The following LRRC7 variants were observed in gnomAD, a reference collection of about 807,000 sequenced individuals.
LRRC7 encodes leucine-rich repeat-containing protein 7.
Under a neutral mutation model 175.7 loss-of-function variants are expected in LRRC7, and 23 were observed. The ratio of observed to expected loss-of-function variants is 0.13; its 90% CI spans 0.09 to 0.19. LRRC7 has a LOEUF of 0.19. Among genes scored for constraint, LRRC7 ranks in the 10% least tolerant of loss-of-function variants. LRRC7 has a pLI of 1.00. For missense variants in LRRC7, 1,354 were observed against 1,904.7 expected (o/e 0.71, Z 5.38); for synonymous variants, 685 against 680.9 (o/e 1.01, Z -0.09).
At chr1:69,721,334 C>A (rs1386192350) in intron 2 of LRRC7, among the ~76,000 whole-genome samples, 1 of 151,840 alleles carries the variant, frequency 6.6e-6, no homozygotes, top group East Asian at 1.9e-4. Flanking sequence ...TAGTATAATA[C>A]GGAATAGTTT....
At chr1:69,626,194 A>C (rs567832946) in intron 1 of LRRC7, among the ~76,000 whole-genome samples, 1 of 152,236 alleles carries the variant, frequency 6.6e-6, no homozygotes, top group South Asian at 2.1e-4. Context: ...ACCCTCAGGA[A>C]CATCTTGCTT....
intron 2 of LRRC7, among the ~76,000 whole-genome samples, chr1:69,720,168 C>T (rs573085366): frequency 2.7e-4 from 41 of 151,538 alleles, no homozygotes; most frequent in Non-Finnish European, 5.6e-4. Context: ...CTTTAACTCA[C>T]CTACTTATAT....
At position 69,568,023 on chromosome 1, in the gene LRRC7, G is replaced by C. The variant is rs61782206; in HGVS notation, c.-617G>C. On this transcript the variant is annotated 5_prime_UTR_variant, in exon 1 of 27. Coordinates refer to ENST00000651989, the MANE Select transcript of LRRC7 (RefSeq NM_001370785.2). ...ACGGACACCCAGCCCCAGTGCAGCG[G>C]GTTCTCGCCGGCGGGACCTGCAGCC... 6.6e-6 allele frequency among the ~76,000 whole-genome samples: 1 copy of C among 152,106 alleles called. No homozygotes were observed. The highest frequency in any genetic ancestry group is 1.5e-5 in the Non-Finnish European group (1 of 68,008).
chr1:69,814,495 A>G (rs112745448), intron 4 of LRRC7, among the ~76,000 whole-genome samples: 1 of 152,178 alleles, frequency 6.6e-6, no homozygotes, highest in Admixed American at 6.6e-5. Flanking sequence ...TTACATTCAT[A>G]TCATCAAATA....
chr1:70,028,937 T>G (rs373632233), intron 18 of LRRC7, among the ~76,000 whole-genome samples: 3 of 152,202 alleles, frequency 2.0e-5, no homozygotes, highest in East Asian at 1.9e-4. Context: ...TTTTGTGGTC[T>G]GAAAAGAATT....
rs1020748643 is a variant in LRRC7 at position 69,833,549 on chromosome 1, G to GTA, written c.501-1222_501-1221dup. Among the ~76,000 whole-genome samples, 8 of 152,016 alleles carry GTA rather than the reference G, an allele frequency of 5.3e-5. No homozygotes were observed. In the East Asian group the frequency reaches 5.8e-4, roughly 11 times the overall value. ...ATACATACAAATGCAAATATTATATGTATATATATAAGTGTTTTATATATA... is the reference window on the plus strand; with the variant it reads ...ATACATACAAATGCAAATATTATATGTATATATATATAAGTGTTTTATATATA... On this transcript the variant is annotated intron_variant, in intron 5 of 26. Coordinates refer to ENST00000651989, the MANE Select transcript of LRRC7 (RefSeq NM_001370785.2).
rs572210589 is a variant in LRRC7, at chr1:69,705,135, C to A, written c.100+26657C>A. On this transcript the variant is annotated intron_variant, in intron 2 of 26. Coordinates refer to ENST00000651989, the MANE Select transcript of LRRC7 (RefSeq NM_001370785.2). ...CTGTTACCCACTTCTTCTTACACAACCTTTACCATTGTAATAATAAGTAAC... is the reference window on the plus strand; with the variant it reads ...CTGTTACCCACTTCTTCTTACACAAACTTTACCATTGTAATAATAAGTAAC... 4.6e-5 allele frequency among the ~76,000 whole-genome samples: 7 copies of A among 152,236 alleles called. No individual in the cohort carries two copies. In the South Asian group the frequency reaches 1.2e-3, roughly 27 times the overall value.
chr1:69,994,527 C>G (rs375578941), intron 10 of LRRC7, 34 bp from the exon 11 acceptor site: 11 of 1,356,716 alleles, frequency 8.1e-6, no homozygotes, highest in Non-Finnish European at 1.2e-5. Flanking sequence ...ATAATCTGCT[C>G]TTATGTATTA....
rs1003209846 is a variant in LRRC7, at chr1:70,043,985, T to C, written c.4001T>C (p.Leu1334Pro). The C allele has an allele frequency of 1.2e-6, 2 of 1,613,126 alleles. No individual in the cohort carries two copies. Among genetic ancestry groups the C allele is most frequent in the African/African-American group, 1.3e-5 (1 of 74,924 alleles). ...GCTTACAAACACAATACAGTTAACC[T>C]TGGCATGCTGCCCTATGGAGGTATT... is the stretch of plus-strand genomic sequence containing the variant. ...NAAYKHNTVNLGMLPYGGISA... is the reference protein window; with the variant it reads ...NAAYKHNTVNPGMLPYGGISA... Residue 1334 changes from leucine to proline, a missense_variant, in exon 22 of 27, where the codon CTT (leucine) becomes CCT (proline). Leu to Pro is a moderately conservative substitution (Grantham distance 98, BLOSUM62 -3). This residue lies in a region of LRRC7 where 1,032 missense variants were observed against 1,227.2 expected (regional missense o/e 0.84). Coordinates refer to ENST00000651989, the MANE Select transcript of LRRC7 (RefSeq NM_001370785.2).
At chr1:70,037,117 A>G (rs1659392799) in intron 20 of LRRC7, among the ~76,000 whole-genome samples, 1 of 152,142 alleles carries the variant, frequency 6.6e-6, no homozygotes, top group Non-Finnish European at 1.5e-5. Flanking sequence ...ATATTACTCT[A>G]ATTTTACAGA....
At chr1:69,810,596 T>C (rs886624978) in intron 4 of LRRC7, among the ~76,000 whole-genome samples, 1 of 151,780 alleles carries the variant, frequency 6.6e-6, no homozygotes, top group African/African-American at 2.4e-5. Context: ...TAGAACAGAA[T>C]ACAGGCCTTA....
intron 23 of LRRC7, among the ~76,000 whole-genome samples, chr1:70,060,354 C>T (rs1661484850): frequency 2.0e-5 from 3 of 151,804 alleles, no homozygotes; most frequent in African/African-American, 7.3e-5. Context: ...CATTAAATTA[C>T]AGTCACTGAA....
At position 70,141,387 on chromosome 1, in the gene LRRC7, C is replaced by T. The variant is rs1667056325; in HGVS notation, c.*19500C>T. The stretch of plus-strand genomic sequence containing the variant: ...AAATACTTTTGCAAATAATGTTTCT[C>T]TTAATAAAATGATATATTTTGTTTT... On this transcript the variant is annotated 3_prime_UTR_variant, in exon 27 of 27. Transcript: ENST00000651989. 6.6e-6 allele frequency: 1 copy of T among 152,086 alleles called. No individual in the cohort carries two copies. Among genetic ancestry groups the T allele is most frequent in the South Asian group, 2.1e-4 (1 of 4,828 alleles). 9.4% of individuals were successfully genotyped at this position (152,086 alleles called of 1,614,324 possible).
chr1:69,575,529 C>T (rs12760472), intron 1 of LRRC7, among the ~76,000 whole-genome samples: 12,787 of 152,168 alleles, frequency 0.084, 625 homozygotes, highest in South Asian at 0.11. Context: ...ATAAATTTAA[C>T]ATCTGTTAAG....
chr1:69,587,314 C>A (rs1016737147), intron 1 of LRRC7, among the ~76,000 whole-genome samples: 1 of 152,250 alleles, frequency 6.6e-6, no homozygotes, highest in East Asian at 1.9e-4. Context: ...CACAACAGTT[C>A]CCCAGTTCAG....
rs139742035 is a variant in LRRC7 at position 69,710,394 on chromosome 1, G to C, written c.100+31916G>C. On this transcript the variant is annotated intron_variant, in intron 2 of 26. Transcript: ENST00000651989. ...TCAGAGTCTTCACTACAGCTTCAGG[G>C]CTTCCTTCTCTTGCCAGCAGCAACC... Among the ~76,000 whole-genome samples the C allele has an allele frequency of 6.6e-5, 10 of 152,184 alleles. No homozygotes were observed. In the East Asian group the frequency reaches 1.7e-3, roughly 26 times the overall value.
intron 8 of LRRC7, among the ~76,000 whole-genome samples, chr1:69,953,998 G>A (rs1650228109): frequency 6.6e-6 from 1 of 151,864 alleles, no homozygotes; most frequent in South Asian, 2.1e-4. Flanking sequence ...TAAACTATAA[G>A]CATCTTAAAG....
At chr1:69,803,861 A>G (rs1183306197) in intron 4 of LRRC7, among the ~76,000 whole-genome samples, 1 of 151,330 alleles carries the variant, frequency 6.6e-6, no homozygotes, top group Non-Finnish European at 1.5e-5. Context: ...TTTCTCCATT[A>G]CATTCCTAAC....
At chr1:69,711,595 G>T (rs1664755708) in intron 2 of LRRC7, among the ~76,000 whole-genome samples, 1 of 152,178 alleles carries the variant, frequency 6.6e-6, no homozygotes, top group Non-Finnish European at 1.5e-5. Flanking sequence ...TTAAACACTT[G>T]CATTAGGCAA....
Sources: gnomAD v4.1 joint callset for allele counts (sites outside exome capture counted in the v4.1 genomes callset) on GRCh38, gnomAD v4.1.1 for gene constraint, gnomAD v4.1.1 regional missense constraint, MANE v1.5 for transcripts, NCBI Gene and HGNC (gene_info 2026-07-23, HGNC 2026-07-21) for gene names.